The following PPP2R5A variants were observed in gnomAD, a reference collection of about 807,000 sequenced individuals.
The protein encoded by PPP2R5A is serine/threonine-protein phosphatase 2A 56 kDa regulatory subunit alpha isoform.
PPP2R5A carries 25 observed loss-of-function variants against 64.2 expected under a neutral mutation model. The ratio of observed to expected loss-of-function variants is 0.39; its 90% CI spans 0.28 to 0.54. The LOEUF is 0.54. PPP2R5A is among the 20% of genes least tolerant of loss of function. PPP2R5A has a pLI of 0.67. For missense variants in PPP2R5A, 425 were observed against 576.3 expected (o/e 0.74, Z 2.69); for synonymous variants, 198 against 201.2 (o/e 0.98, Z 0.13).
intron 1 of PPP2R5A, among the ~76,000 whole-genome samples, chr1:212,317,052 T>C (rs1659167386): frequency 6.6e-6 from 1 of 152,236 alleles, no homozygotes; most frequent in Admixed American, 6.5e-5. Flanking sequence ...TTTCTTAATC[T>C]TGAACTAATC....
chr1:212,352,316 A>G (rs1260946628), intron 8 of PPP2R5A, among the ~76,000 whole-genome samples: 4 of 150,926 alleles, frequency 2.7e-5, no homozygotes, highest in African/African-American at 9.9e-5. Context: ...GTTGTAAGCC[A>G]CTGCACCTGG....
chr1:212,289,462 TA>T (rs1658563440), intron 1 of PPP2R5A, among the ~76,000 whole-genome samples: 1 of 152,244 alleles, frequency 6.6e-6, no homozygotes, highest in African/African-American at 2.4e-5. Flanking sequence ...TGTGATTACT[TA>T]TCTGGATGAT....
intron 1 of PPP2R5A, among the ~76,000 whole-genome samples, chr1:212,324,778 G>T (rs933829133): frequency 1.3e-5 from 2 of 151,702 alleles, no homozygotes; most frequent in African/African-American, 4.8e-5. Context: ...CTAATTTTTT[G>T]TTACTTTTAG....
chr1:212,314,404 G>A (rs1302083380), intron 1 of PPP2R5A, among the ~76,000 whole-genome samples: 1 of 151,594 alleles, frequency 6.6e-6, no homozygotes, highest in Non-Finnish European at 1.5e-5. Flanking sequence ...TTTTTAAGAT[G>A]GGTTCTTAAA....
chr1:212,356,774 A>C, intron 9 of PPP2R5A, 98 bp downstream of exon 9: 2 of 1,390,770 alleles, frequency 1.4e-6, no homozygotes, highest in Non-Finnish European at 2.0e-6. Context: ...TGCTGTTGCT[A>C]AAGAGCGGGA....
chr1:212,360,016 C>G lies in PPP2R5A; in HGVS notation c.1329-622C>G, dbSNP rs973313170. Among the ~76,000 whole-genome samples, 9 of 152,116 alleles carry G rather than the reference C, an allele frequency of 5.9e-5. No homozygotes were observed. The East Asian group carries it at 1.2e-3, about 19-fold the overall frequency. On this transcript the variant is annotated intron_variant, in intron 12 of 12. Coordinates refer to ENST00000261461, the MANE Select transcript of PPP2R5A (RefSeq NM_006243.4). Reference sequence around the variant, plus strand: ...GCCTATGTTTTACATGTTCATGGAGCCTTTCAGAATAGACAGGTTCAAGTT... The same window carrying G: ...GCCTATGTTTTACATGTTCATGGAGGCTTTCAGAATAGACAGGTTCAAGTT...
intron 1 of PPP2R5A, among the ~76,000 whole-genome samples, chr1:212,320,900 C>T (rs1314787580): frequency 1.5e-5 from 2 of 129,404 alleles, no homozygotes; most frequent in Non-Finnish European, 3.4e-5. Context: ...GTAGAGGCGC[C>T]CCTCACCTCC....
intron 2 of PPP2R5A, among the ~76,000 whole-genome samples, chr1:212,330,345 A>G (rs188334840): frequency 6.0e-4 from 91 of 152,156 alleles, no homozygotes; most frequent in African/African-American, 2.0e-3. Context: ...CCTGGCCAGC[A>G]TAGCAAGGAC....
At position 212,286,281 on chromosome 1, in the gene PPP2R5A, C is replaced by G. The variant is rs351403; in HGVS notation, c.171C>G (p.Pro57=). The G allele has an allele frequency of 6.6e-7, 1 of 1,523,968 alleles. No homozygotes were observed. Among genetic ancestry groups the G allele is most frequent in the Non-Finnish European group, 8.8e-7 (1 of 1,137,398 alleles). 94.4% of individuals were successfully genotyped at this position (1,523,968 alleles called of 1,614,324 possible). ...GCCAGGCAGAGCTGCACCCGCTGCC[C>G]CAGCTCAAAGGTAACCTCCGAGGGC... ...QGSQAELHPL[P]QLKDATSNEQ... The change falls in exon 1 of 13, where the codon CCC becomes CCG. Residue 57 remains proline (P), a synonymous_variant. Coordinates refer to ENST00000261461, the MANE Select transcript of PPP2R5A (RefSeq NM_006243.4).
intron 5 of PPP2R5A, 118 bp from the exon 6 acceptor site, chr1:212,347,229 A>T: frequency 1.4e-6 from 1 of 721,862 alleles, no homozygotes; most frequent in Admixed American, 3.0e-5. Context: ...AAGACCCAAA[A>T]CATGCTTGTG....
rs542013549 is a variant in PPP2R5A, at chr1:212,317,858, C to T, written c.182-11277C>T. 6.6e-5 allele frequency among the ~76,000 whole-genome samples: 10 copies of T among 151,590 alleles called. No individual in the cohort carries two copies. In the South Asian group the frequency reaches 8.3e-4, roughly 13 times the overall value. On this transcript the variant is annotated intron_variant, in intron 1 of 12. Transcript: ENST00000261461. ...AAAATTAGCTGAGTGTGGTGGTGGGCGCCTGTAGTCCCAGCTACTTGGGAG... is the reference window on the plus strand; with the variant it reads ...AAAATTAGCTGAGTGTGGTGGTGGGTGCCTGTAGTCCCAGCTACTTGGGAG...
intron 1 of PPP2R5A, chr1:212,309,553 A>G: frequency 1.4e-6 from 1 of 724,786 alleles, no homozygotes; most frequent in Middle Eastern, 2.8e-4. Context: ...CTTTAATCAT[A>G]GTTTAGTTCT....
At position 212,285,997 on chromosome 1, in the gene PPP2R5A, G is replaced by A; in HGVS notation, c.-114G>A. The A allele has an allele frequency of 1.8e-6, 2 of 1,141,966 alleles. No homozygotes were observed. The highest frequency in any genetic ancestry group is 2.3e-6 in the Non-Finnish European group (2 of 879,152). The allele number at this position is 1,141,966 out of a possible 1,614,324, so 70.7% of individuals were successfully genotyped here. A position where few individuals can be genotyped will look rare whatever the true frequency, so the allele number is the denominator to read the frequency against. On this transcript the variant is annotated 5_prime_UTR_variant, in exon 1 of 13. Transcript: ENST00000261461. ...CCCGGGGCCGGAGGGCCGTGGGGCC[G>A]GGGCGCAGGGGCGCGAGCACCCCGC... is the stretch of plus-strand genomic sequence containing the variant.
chr1:212,353,506 C>A (rs1659923828), intron 8 of PPP2R5A, among the ~76,000 whole-genome samples: 1 of 152,170 alleles, frequency 6.6e-6, no homozygotes, highest in African/African-American at 2.4e-5. Context: ...AGTGAGCTAC[C>A]TGTCCCAGTA....
intron 1 of PPP2R5A, chr1:212,301,846 A>T (rs1658803999): frequency 7.8e-7 from 1 of 1,280,674 alleles, no homozygotes; most frequent in South Asian, 2.0e-5. Flanking sequence ...CATGAATCCT[A>T]TATGAGATCT....
intron 4 of PPP2R5A, 22 bp downstream of exon 4, chr1:212,342,302 G>A (rs551205285): frequency 6.2e-6 from 10 of 1,606,784 alleles, no homozygotes; most frequent in Non-Finnish European, 8.5e-6. Context: ...TTTTGTCTTA[G>A]ATTCTCATAT....
intron 8 of PPP2R5A, among the ~76,000 whole-genome samples, chr1:212,355,085 T>A (rs1158519162): frequency 6.6e-6 from 1 of 152,226 alleles, no homozygotes; most frequent in Non-Finnish European, 1.5e-5. Context: ...TCAGTAAAGT[T>A]TTATGCTTTT....
At chr1:212,308,435 G>A (rs1303846950) in intron 1 of PPP2R5A, among the ~76,000 whole-genome samples, 1 of 140,986 alleles carries the variant, frequency 7.1e-6, no homozygotes, top group Non-Finnish European at 1.5e-5. Context: ...TTGAGATGGA[G>A]TCTTGCTCTG....
intron 1 of PPP2R5A, among the ~76,000 whole-genome samples, chr1:212,297,012 T>G (rs1478550361): frequency 6.6e-6 from 1 of 151,998 alleles, no homozygotes; most frequent in Non-Finnish European, 1.5e-5. Context: ...GAGTACCTTA[T>G]TTCCTTACAG....
Sources: allele counts gnomAD v4.1 joint callset (sites outside exome capture counted in the v4.1 genomes callset), GRCh38; gene constraint gnomAD v4.1.1; transcripts MANE v1.5; gene names NCBI Gene and HGNC (gene_info 2026-07-23, HGNC 2026-07-21).